The following VCL variants were observed in gnomAD, a reference collection of about 807,000 sequenced individuals.
VCL encodes epididymis luminal protein 114.
Under a neutral mutation model 125.7 loss-of-function variants are expected in VCL, and 47 were observed. That is an observed-to-expected ratio of 0.37 (90% CI 0.30 to 0.48). The LOEUF (loss-of-function observed/expected upper bound fraction) is 0.48, where lower values mean the gene tolerates loss of function less well. Among genes scored for constraint, VCL ranks in the 20% least tolerant of loss-of-function variants. VCL has a pLI of 0.99. For synonymous variants in VCL, 458 were observed against 514.6 expected (o/e 0.89, Z 1.49); for missense variants, 1,069 against 1,455.5 (o/e 0.73, Z 4.32).
chr10:74,083,661 G>A (rs1409404725), intron 8 of VCL, 148 bp downstream of exon 8: 7 of 952,502 alleles, frequency 7.3e-6, no homozygotes, highest in South Asian at 1.5e-5. Flanking sequence ...TTTTGAGATG[G>A]AGGTGAACTT....
At chr10:74,112,163 GT>G (rs1442100557) in intron 19 of VCL, 51 bp downstream of exon 19, 2 of 1,607,438 alleles carry the variant, frequency 1.2e-6, no homozygotes. Context: ...ATCCGGCCAT[GT>G]GCAGCCTTGA....
At chr10:74,003,670 T>C (rs555001397) in intron 1 of VCL, among the ~76,000 whole-genome samples, 1 of 152,190 alleles carries the variant, frequency 6.6e-6, no homozygotes. Flanking sequence ...CTGGGACAAA[T>C]AGCAGTATTA....
At chr10:74,096,210 CTG>C (rs1839966853) in intron 12 of VCL, among the ~76,000 whole-genome samples, 1 of 148,356 alleles carries the variant, frequency 6.7e-6, no homozygotes. Flanking sequence ...AGAGAAAACT[CTG>C]TGGGCCGGGC....
chr10:74,055,138 A>G (rs1192717250), intron 2 of VCL, among the ~76,000 whole-genome samples: 2 of 151,936 alleles, frequency 1.3e-5, no homozygotes, highest in Non-Finnish European at 2.9e-5. Flanking sequence ...CGTCTCTACT[A>G]AAAATACAGA....
rs570975778 is a variant in VCL at position 74,009,223 on chromosome 10, C to A, written c.168+10848C>A. 1.6e-3 allele frequency among the ~76,000 whole-genome samples: 183 copies of A among 117,512 alleles called. 14 individuals are homozygous for A. The East Asian group carries it at 0.031, about 20-fold the overall frequency. The allele number at this position is 117,512 out of a possible 152,430, so 77.1% of individuals were successfully genotyped here. On this transcript the variant is annotated intron_variant, in intron 1 of 21. Transcript: ENST00000211998. ...TCTAGGTGGCTGCTGCTTTCCCCCC[C>A]CCCCCCCGAGCCATTTTAGTATTTA... is the stretch of plus-strand genomic sequence containing the variant.
At chr10:73,999,510 C>T (rs950312357) in intron 1 of VCL, among the ~76,000 whole-genome samples, 1 of 152,128 alleles carries the variant, frequency 6.6e-6, no homozygotes, top group African/African-American at 2.4e-5. Context: ...TTGTGAGGAA[C>T]AATTTTGGAA....
intron 1 of VCL, among the ~76,000 whole-genome samples, chr10:74,030,174 G>T (rs1378325890): frequency 6.6e-6 from 1 of 152,180 alleles, no homozygotes; most frequent in Non-Finnish European, 1.5e-5. Flanking sequence ...GCACTGGGGA[G>T]TGATGGCAAC....
At chr10:74,079,172 T>C (rs1839639806) in intron 6 of VCL, among the ~76,000 whole-genome samples, 1 of 152,174 alleles carries the variant, frequency 6.6e-6, no homozygotes, top group South Asian at 2.1e-4. Flanking sequence ...CAAGGCACTG[T>C]ATTTTTTTCA....
intron 16 of VCL, among the ~76,000 whole-genome samples, chr10:74,106,087 A>AT (rs1840129419): frequency 6.7e-6 from 1 of 148,214 alleles, no homozygotes; most frequent in Non-Finnish European, 1.5e-5. Flanking sequence ...CACCCAGCTA[A>AT]TTTTTTGTAG....
chr10:74,102,869 GT>G lies in VCL; in HGVS notation c.2023-938del, dbSNP rs879910158. Among the ~76,000 whole-genome samples the G allele has an allele frequency of 5.5e-4, 81 of 146,316 alleles. 1 individual carries two copies. The South Asian group carries it at 6.5e-3, about 12-fold the overall frequency. On this transcript the variant is annotated intron_variant, in intron 14 of 21. Transcript: ENST00000211998. ...AGATTTGGACTTGAGACCTCTGTGAGTTTTTTTTTTTTTCCGAGACGGAGTC... is the reference window on the plus strand; with the variant it reads ...AGATTTGGACTTGAGACCTCTGTGAGTTTTTTTTTTTTCCGAGACGGAGTC...
intron 11 of VCL, among the ~76,000 whole-genome samples, chr10:74,095,075 G>A (rs1238465334): frequency 6.6e-6 from 1 of 152,140 alleles, no homozygotes; most frequent in East Asian, 1.9e-4. Context: ...GATGTCAAGA[G>A]CTTTAAACAA....
At chr10:74,093,382 G>GT (rs1021563188) in intron 10 of VCL, among the ~76,000 whole-genome samples, 4 of 152,158 alleles carry the variant, frequency 2.6e-5, no homozygotes, top group Admixed American at 2.0e-4. Context: ...TAAATAATGG[G>GT]ACATTGGGCA....
chr10:74,090,160 AT>A lies in VCL; in HGVS notation c.1315del (p.Ser439LeufsTer3). 6.2e-7 allele frequency: 1 copy of A among 1,614,230 alleles called. No homozygotes were observed. The highest frequency in any genetic ancestry group is 8.5e-7 in the Non-Finnish European group (1 of 1,180,034). On this transcript the variant is annotated frameshift_variant, in exon 10 of 22. Coordinates refer to ENST00000211998, the MANE Select transcript of VCL (RefSeq NM_014000.3). LOFTEE classifies it high-confidence loss of function. ...DDILRSLGEI[S>X]ALTSKLADLR... ...ACATTCTACGTTCCCTTGGGGAAAT[AT>A]CTGCTCTGACTTCTAAATTAGCAGA...
chr10:74,069,188 C>T (rs1841622461), intron 2 of VCL, among the ~76,000 whole-genome samples: 1 of 151,936 alleles, frequency 6.6e-6, no homozygotes, highest in Non-Finnish European at 1.5e-5. Flanking sequence ...TACAGATGTC[C>T]ACCACTATGC....
intron 8 of VCL, among the ~76,000 whole-genome samples, chr10:74,087,414 C>T (rs532303442): frequency 2.0e-4 from 28 of 141,804 alleles, no homozygotes; most frequent in Non-Finnish European, 2.9e-4. Flanking sequence ...GGCGTGATCT[C>T]GGCTCACTGC....
At chr10:74,022,401 C>T (rs1840687469) in intron 1 of VCL, among the ~76,000 whole-genome samples, 1 of 151,484 alleles carries the variant, frequency 6.6e-6, no homozygotes, top group Non-Finnish European at 1.5e-5. Flanking sequence ...CAAAAATTAG[C>T]CGGGCATGAT....
chr10:74,104,682 G>C (rs1840105735), intron 15 of VCL, among the ~76,000 whole-genome samples: 1 of 152,122 alleles, frequency 6.6e-6, no homozygotes. Context: ...CAGATGGCTG[G>C]GGAGTGAGAG....
intron 19 of VCL, among the ~76,000 whole-genome samples, chr10:74,113,431 C>T (rs1249878067): frequency 6.6e-6 from 1 of 152,120 alleles, no homozygotes; most frequent in Non-Finnish European, 1.5e-5. Flanking sequence ...GTTCCTTTAA[C>T]TGGAGTCTTC....
At chr10:74,022,745 T>C (rs1840697058) in intron 1 of VCL, among the ~76,000 whole-genome samples, 1 of 151,336 alleles carries the variant, frequency 6.6e-6, no homozygotes, top group African/African-American at 2.4e-5. Flanking sequence ...CAAGCAATTC[T>C]CCTGCCTCAG....
Sources: gnomAD v4.1 joint callset for allele counts (sites outside exome capture counted in the v4.1 genomes callset) on GRCh38, gnomAD v4.1.1 for gene constraint, MANE v1.5 for transcripts, NCBI Gene and HGNC (gene_info 2026-07-23, HGNC 2026-07-21) for gene names.